PADI1: variants seen among roughly 807,000 people sequenced by gnomAD.
PADI1 encodes the protein peptidyl arginine deiminase 1.
Under a neutral mutation model 74.8 loss-of-function variants are expected in PADI1, and 65 were observed. That is an observed-to-expected ratio of 0.87 (90% CI 0.71 to 1.07). The LOEUF (loss-of-function observed/expected upper bound fraction) is 1.07. Ranked by LOEUF, PADI1 falls within the 50% of genes least tolerant of loss-of-function variation. PADI1 has a pLI of 0.00. For missense variants in PADI1, 943 were observed against 854.0 expected (o/e 1.10, Z -1.30); for synonymous variants, 371 against 336.2 (o/e 1.10, Z -1.13).
intron 11 of PADI1, among the ~76,000 whole-genome samples, chr1:17,235,145 AAGGG>A (rs1364994944): frequency 7.9e-5 from 11 of 138,442 alleles, no homozygotes; most frequent in Non-Finnish European, 1.1e-4. Context: ...GGAAAGAAGG[AAGGG>A]AGGGAGGGAG....
At chr1:17,227,246 AAAAAG>A in intron 6 of PADI1, among the ~76,000 whole-genome samples, 1 of 149,460 alleles carries the variant, frequency 6.7e-6, no homozygotes, top group African/African-American at 2.5e-5. Context: ...AAAAAAAAAA[AAAAAG>A]AAAAAGAAAA....
At chr1:17,232,659 CA>C (rs554395164) in intron 10 of PADI1, among the ~76,000 whole-genome samples, 159 bp from the exon 11 acceptor site, 47 of 152,164 alleles carry the variant, frequency 3.1e-4, no homozygotes, top group African/African-American at 1.1e-3. Flanking sequence ...TCGCAGAGCC[CA>C]GGGGGGATTT....
intron 1 of PADI1, among the ~76,000 whole-genome samples, chr1:17,214,297 G>T (rs531597671): frequency 1.1e-4 from 16 of 152,220 alleles, no homozygotes; most frequent in Non-Finnish European, 1.6e-4. Flanking sequence ...TGGAAGAGGT[G>T]GCATTTGAAG....
At chr1:17,223,797 T>C (rs1320122903) in intron 3 of PADI1, 104 bp downstream of exon 3, 3 of 932,388 alleles carry the variant, frequency 3.2e-6, no homozygotes, top group Non-Finnish European at 3.4e-6. Context: ...ATGGCCAGCT[T>C]CCTCCATCAC....
chr1:17,239,797 CCACCAGCTG>C lies in PADI1; in HGVS notation c.1632+16_1632+24del. On this transcript the variant is annotated intron_variant, in intron 14 of 15. Coordinates refer to ENST00000375471, the MANE Select transcript of PADI1 (RefSeq NM_013358.3). ...CTTCATGCACAGGTGAGAGGCAGGA[CCACCAGCTG>C]CTCTAAGGGGTCCTTTCCCTTCCAG... The C allele has an allele frequency of 6.3e-7, 1 of 1,597,470 alleles. No homozygotes were observed.
intron 1 of PADI1, among the ~76,000 whole-genome samples, chr1:17,219,145 G>A (rs1049874584): frequency 6.6e-6 from 1 of 152,144 alleles, no homozygotes; most frequent in South Asian, 2.1e-4. Context: ...GTGGAGAGTT[G>A]GATCTGATTG....
intron 4 of PADI1, 89 bp from the exon 5 acceptor site, chr1:17,225,721 TA>T: frequency 2.4e-6 from 2 of 834,048 alleles, no homozygotes; most frequent in Non-Finnish European, 4.0e-6. Flanking sequence ...ATCTATAATC[TA>T]ATAAAGCAGC....
chr1:17,238,584 C>T, intron 12 of PADI1, 32 bp from the exon 13 acceptor site: 2 of 1,306,444 alleles, frequency 1.5e-6, no homozygotes, highest in Non-Finnish European at 2.1e-6. Context: ...GGGACCCTGT[C>T]CACTGAGCCA....
rs753365937 is a variant in PADI1, at chr1:17,232,978, G to T, written c.1313+8G>T. The T allele has an allele frequency of 1.9e-6, 3 of 1,594,672 alleles. No individual in the cohort carries two copies. The highest frequency in any genetic ancestry group is 2.6e-6 in the Non-Finnish European group (3 of 1,172,298). On this transcript the variant is annotated splice_region_variant and intron_variant, in intron 11 of 15. Transcript: ENST00000375471. ...CGGGAGCAGCTTCCCCAAGTGAGGGGCTGGGGCGGGAGGTGGGGAGGCACA... is the reference window on the plus strand; with the variant it reads ...CGGGAGCAGCTTCCCCAAGTGAGGGTCTGGGGCGGGAGGTGGGGAGGCACA...
At chr1:17,212,147 C>T (rs181671561) in intron 1 of PADI1, among the ~76,000 whole-genome samples, 6 of 152,224 alleles carry the variant, frequency 3.9e-5, no homozygotes, top group Non-Finnish European at 8.8e-5. Flanking sequence ...AGATCCCTGG[C>T]TCCAGGCAGA....
intron 1 of PADI1, among the ~76,000 whole-genome samples, chr1:17,210,475 G>T (rs893583522): frequency 1.3e-5 from 2 of 152,188 alleles, no homozygotes; most frequent in Non-Finnish European, 2.9e-5. Context: ...TCTCTTCTGG[G>T]AAGACCAGTG....
At chr1:17,210,184 G>T (rs554562480) in intron 1 of PADI1, among the ~76,000 whole-genome samples, 1 of 151,740 alleles carries the variant, frequency 6.6e-6, no homozygotes, top group Admixed American at 6.6e-5. Flanking sequence ...TTGAGACAAG[G>T]TCTCGTTCTG....
intron 1 of PADI1, among the ~76,000 whole-genome samples, chr1:17,209,561 T>G (rs1455145435): frequency 6.6e-6 from 1 of 152,234 alleles, no homozygotes; most frequent in Non-Finnish European, 1.5e-5. Flanking sequence ...CTTGCCATTT[T>G]GGGACTGGCT....
At chr1:17,230,412 C>G (rs2072455667) in intron 9 of PADI1, among the ~76,000 whole-genome samples, 160 bp from the exon 10 acceptor site, 1 of 152,240 alleles carries the variant, frequency 6.6e-6, no homozygotes, top group African/African-American at 2.4e-5. Context: ...AAAGTCCTCT[C>G]CTGGCTGGGG....
intron 13 of PADI1, among the ~76,000 whole-genome samples, chr1:17,239,054 G>A (rs571689704): frequency 3.9e-4 from 59 of 152,352 alleles, no homozygotes; most frequent in Non-Finnish European, 7.3e-4. Context: ...ATGCAGCCAG[G>A]GAGCAGCAGG....
intron 15 of PADI1, among the ~76,000 whole-genome samples, chr1:17,242,955 G>T (rs1188513986): frequency 2.0e-5 from 3 of 152,148 alleles, no homozygotes; most frequent in African/African-American, 7.2e-5. Flanking sequence ...CAGGGCCAAG[G>T]CCAGGGGACT....
rs1218034432 is a variant in PADI1, at chr1:17,239,790, G to A, written c.1632+7G>A. 3.7e-6 allele frequency: 6 copies of A among 1,607,594 alleles called. No individual in the cohort carries two copies. In the East Asian group the frequency reaches 1.3e-4, roughly 36 times the overall value. On this transcript the variant is annotated splice_region_variant and intron_variant, in intron 14 of 15. Coordinates refer to ENST00000375471, the MANE Select transcript of PADI1 (RefSeq NM_013358.3). ...AGACAATCTTCATGCACAGGTGAGA[G>A]GCAGGACCACCAGCTGCTCTAAGGG...
Position 17,228,947 on chromosome 1 carries a change from G to A in PADI1, c.826-1G>A. The A allele has an allele frequency of 6.3e-7, 1 of 1,597,380 alleles. No homozygotes were observed. The highest frequency in any genetic ancestry group is 8.5e-7 in the Non-Finnish European group (1 of 1,170,674). On this transcript the variant is annotated splice_acceptor_variant, in intron 7 of 15. Coordinates refer to ENST00000375471, the MANE Select transcript of PADI1 (RefSeq NM_013358.3). LOFTEE classifies it high-confidence loss of function. Reference sequence around the variant, plus strand: ...CCACCAAGTCCTCATTTTCCCCTCAGACCCTGCCCGAGGTGACCCTCTTCA... The same window carrying A: ...CCACCAAGTCCTCATTTTCCCCTCAAACCCTGCCCGAGGTGACCCTCTTCA...
chr1:17,205,967 T>C (rs1372600855), intron 1 of PADI1, among the ~76,000 whole-genome samples: 2 of 152,148 alleles, frequency 1.3e-5, no homozygotes, highest in East Asian at 3.8e-4. Flanking sequence ...ATCAGTAGCA[T>C]TTGCTTCTCC....
Sources: allele counts gnomAD v4.1 joint callset (sites outside exome capture counted in the v4.1 genomes callset), GRCh38; gene constraint gnomAD v4.1.1; transcripts MANE v1.5; gene names NCBI Gene and HGNC (gene_info 2026-07-23, HGNC 2026-07-21).